BRF1: variants seen among roughly 807,000 people sequenced by gnomAD.
BRF1 encodes BRF1 general transcription factor IIIB subunit, also known as transcription factor IIIB 90 kDa subunit.
BRF1 carries 59 observed loss-of-function variants against 81.7 expected under a neutral mutation model. The ratio of observed to expected loss-of-function variants is 0.72; its 90% CI spans 0.59 to 0.90. The LOEUF (loss-of-function observed/expected upper bound fraction) is 0.90, where lower values mean the gene tolerates loss of function less well. BRF1 is among the 40% of genes least tolerant of loss of function. BRF1 has a pLI of 0.00. For missense variants in BRF1, 1,050 were observed against 936.3 expected (o/e 1.12, Z -1.58); for synonymous variants, 491 against 395.6 (o/e 1.24, Z -2.86).
chr14:105,229,040 G>C (rs1020859173), intron 6 of BRF1, 127 bp from the exon 7 acceptor site: 2 of 829,602 alleles, frequency 2.4e-6, no homozygotes, highest in African/African-American at 1.7e-5. Context: ...GTCTGTGCCA[G>C]GCAGTGAGAC....
chr14:105,256,409 G>C, intron 4 of BRF1, 109 bp downstream of exon 4: 1 of 1,612,030 alleles, frequency 6.2e-7, no homozygotes, highest in Non-Finnish European at 8.5e-7. Context: ...GCACAGACCG[G>C]CCACTGAGAT....
chr14:105,249,199 C>G, intron 5 of BRF1: 1 of 1,589,292 alleles, frequency 6.3e-7, no homozygotes, highest in Non-Finnish European at 8.5e-7. Flanking sequence ...CCGACGTGCA[C>G]TTCGTCGTGG....
intron 11 of BRF1, among the ~76,000 whole-genome samples, chr14:105,220,863 C>G (rs2141475783): frequency 6.6e-6 from 1 of 152,372 alleles, no homozygotes; most frequent in South Asian, 2.1e-4. Context: ...TTCCTCAGCT[C>G]CAGCCAGAAT....
chr14:105,248,302 T>G (rs2055266598), intron 5 of BRF1: 16 of 985,442 alleles, frequency 1.6e-5, no homozygotes, highest in Non-Finnish European at 1.9e-5. Context: ...CAGGTCCACC[T>G]GCGTTCCTAA....
chr14:105,265,536 G>T (rs1178473560), intron 3 of BRF1, among the ~76,000 whole-genome samples: 1 of 152,086 alleles, frequency 6.6e-6, no homozygotes, highest in Non-Finnish European at 1.5e-5. Flanking sequence ...CAGATCACCT[G>T]ATGTCAGGAG....
chr14:105,228,746 C>T, intron 7 of BRF1, 74 bp downstream of exon 7: 2 of 1,556,438 alleles, frequency 1.3e-6, no homozygotes, highest in Non-Finnish European at 1.8e-6. Context: ...GTGGCGCCTG[C>T]TCTGGCAAGC....
intron 5 of BRF1, chr14:105,250,190 C>T: frequency 1.9e-6 from 3 of 1,613,008 alleles, no homozygotes; most frequent in South Asian, 2.2e-5. Context: ...CCTGGACTTT[C>T]CCCTGACCAA....
chr14:105,272,677 C>A, intron 3 of BRF1, 44 bp downstream of exon 3: 1 of 1,543,308 alleles, frequency 6.5e-7, no homozygotes, highest in Admixed American at 1.9e-5. Context: ...GCCAACTAAG[C>A]ATCAAGATGG....
At chr14:105,282,344 C>A (rs1438004069) in intron 2 of BRF1, among the ~76,000 whole-genome samples, 2 of 152,198 alleles carry the variant, frequency 1.3e-5, no homozygotes, top group African/African-American at 2.4e-5. Context: ...ACTGTCGCTG[C>A]GGGCAGGAAG....
At chr14:105,267,085 C>G (rs1298144365) in intron 3 of BRF1, among the ~76,000 whole-genome samples, 3 of 152,128 alleles carry the variant, frequency 2.0e-5, no homozygotes, top group African/African-American at 7.2e-5. Flanking sequence ...GCATTATGAG[C>G]AGCAGACACA....
intron 5 of BRF1, among the ~76,000 whole-genome samples, chr14:105,243,091 G>A (rs916198435): frequency 6.6e-6 from 1 of 152,044 alleles, no homozygotes; most frequent in Admixed American, 6.6e-5. Context: ...ACTCCAGCCT[G>A]GATGACAGAG....
intron 1 of BRF1, among the ~76,000 whole-genome samples, chr14:105,307,556 G>A (rs985678674): frequency 6.6e-6 from 1 of 152,074 alleles, no homozygotes; most frequent in Non-Finnish European, 1.5e-5. Context: ...CTCTGTGTCT[G>A]TCATCTTATC....
intron 5 of BRF1, chr14:105,249,842 G>A (rs372809028): frequency 1.9e-5 from 30 of 1,613,196 alleles, no homozygotes; most frequent in Non-Finnish European, 3.4e-6. Context: ...CTGCTGGGAG[G>A]TCATTGACGC....
chr14:105,252,570 A>G lies in BRF1; in HGVS notation c.481T>C (p.Tyr161His), dbSNP rs2140307230. 1 of 1,613,744 alleles carries G rather than the reference A, an allele frequency of 6.2e-7. No individual in the cohort carries two copies. Among genetic ancestry groups the G allele is most frequent in the Non-Finnish European group, 8.5e-7 (1 of 1,179,954 alleles). ...AGAAGAAACGTCTTTCCAAGCACGTACACATTCACCTGAGATGGAGAGATC... is the reference window on the plus strand; with the variant it reads ...AGAAGAAACGTCTTTCCAAGCACGTGCACATTCACCTGAGATGGAGAGATC... ...DLSDLLQVNV[Y>H]VLGKTFLLLA... Residue 161 changes from tyrosine (Y) to histidine (H), a missense_variant, in exon 5 of 18, where the codon TAC (tyrosine) becomes CAC (histidine). This residue lies in a region of BRF1 where 1,043 missense variants were observed against 915.4 expected (regional missense o/e 1.14). Coordinates refer to ENST00000547530, the MANE Select transcript of BRF1 (RefSeq NM_001519.4).
intron 6 of BRF1, 79 bp downstream of exon 6, chr14:105,241,186 C>T (rs587674219): frequency 1.9e-6 from 3 of 1,570,578 alleles, no homozygotes; most frequent in African/African-American, 1.3e-5. Context: ...ACGGCCCAGC[C>T]CACCAGCACT....
chr14:105,247,762 C>A (rs1019579063), intron 5 of BRF1: 2 of 985,524 alleles, frequency 2.0e-6, no homozygotes, highest in Non-Finnish European at 2.4e-6. Context: ...ACCCTCCTGA[C>A]AGCCAGGCCT....
At chr14:105,228,739 G>T (rs1431561629) in intron 7 of BRF1, 81 bp downstream of exon 7, 2 of 1,505,686 alleles carry the variant, frequency 1.3e-6, no homozygotes, top group African/African-American at 1.4e-5. Flanking sequence ...CCGGGAGGTG[G>T]CGCCTGCTCT....
chr14:105,222,679 A>C (rs996517393), intron 10 of BRF1: 6 of 150,932 alleles, frequency 4.0e-5, no homozygotes, highest in African/African-American at 1.5e-4. Context: ...CCCAGGCTGG[A>C]GTGCAGTGAC....
At chr14:105,296,701 A>C (rs2057761954) in intron 1 of BRF1, among the ~76,000 whole-genome samples, 1 of 151,862 alleles carries the variant, frequency 6.6e-6, no homozygotes, top group African/African-American at 2.4e-5. Context: ...GAAAAAAAAA[A>C]AAAAACCTCT....
Sources: gnomAD v4.1 joint callset for allele counts (sites outside exome capture counted in the v4.1 genomes callset) on GRCh38, gnomAD v4.1.1 for gene constraint, gnomAD v4.1.1 regional missense constraint, MANE v1.5 for transcripts, NCBI Gene and HGNC (gene_info 2026-07-23, HGNC 2026-07-21) for gene names.